Variants in LRP6 observed in about 807,000 individuals in gnomAD.
LRP6 encodes the protein low-density lipoprotein receptor-related protein 6.
Under a neutral mutation model 184.1 loss-of-function variants are expected in LRP6, and 43 were observed. The ratio of observed to expected loss-of-function variants is 0.23; its 90% CI spans 0.18 to 0.30. The LOEUF (loss-of-function observed/expected upper bound fraction) is 0.30. LRP6 is among the 10% of genes least tolerant of loss of function. The pLI, the probability that LRP6 is intolerant of heterozygous loss-of-function variation, is 1.00. For missense variants in LRP6, 1,571 were observed against 2,005.3 expected, an observed-to-expected ratio of 0.78 and a Z score of 4.14; for synonymous variants, 719 against 684.9, an observed-to-expected ratio of 1.05 and a Z score of -0.78.
At position 12,142,745 on chromosome 12, in the gene LRP6, T is replaced by TA. The variant is rs528640675; in HGVS notation, c.3398-4212dup. Reference sequence around the variant, plus strand: ...AACATTAGCAAATCAAATCCAGCAATAAAAAAAAGAATAATATATCATGCT... The same window carrying TA: ...AACATTAGCAAATCAAATCCAGCAATAAAAAAAAAGAATAATATATCATGCT... On this transcript the variant is annotated intron_variant, in intron 15 of 22. Transcript: ENST00000261349. 1.1e-4 allele frequency among the ~76,000 whole-genome samples: 17 copies of TA among 151,696 alleles called. No individual in the cohort carries two copies. The East Asian group carries it at 3.3e-3, about 29-fold the overall frequency.
chr12:12,227,400 TTTC>T (rs1864655959), intron 2 of LRP6, among the ~76,000 whole-genome samples: 1 of 151,468 alleles, frequency 6.6e-6, no homozygotes, highest in Non-Finnish European at 1.5e-5. Flanking sequence ...AAATAAAAAC[TTTC>T]TTTTCCTTTT....
intron 22 of LRP6, among the ~76,000 whole-genome samples, chr12:12,123,752 G>A (rs1949634981): frequency 6.6e-6 from 1 of 152,024 alleles, no homozygotes; most frequent in Non-Finnish European, 1.5e-5. Context: ...TCTCTTTTTT[G>A]GCTTACAAAT....
Position 12,148,907 on chromosome 12 carries a change from A to C in LRP6, c.3206+35T>G, listed in dbSNP as rs758617041. ...AAAGAAGGGTGAGGAGAGTCTCAGAAGCCACAGTATCTGAACGCCACTTTA... is the reference window on the plus strand; with the variant it reads ...AAAGAAGGGTGAGGAGAGTCTCAGACGCCACAGTATCTGAACGCCACTTTA... On this transcript the variant is annotated intron_variant, in intron 14 of 22. Transcript: ENST00000261349. 8.7e-6 allele frequency: 13 copies of C among 1,487,976 alleles called. No individual in the cohort carries two copies. In the East Asian group the frequency reaches 2.7e-4, roughly 31 times the overall value. 92.2% of individuals were successfully genotyped at this position (1,487,976 alleles called of 1,614,324 possible). A position where few individuals can be genotyped will look rare whatever the true frequency, so the allele number is the denominator to read the frequency against.
rs961435284 is a variant in LRP6 at position 12,205,267 on chromosome 12, C to A, written c.450-1867G>T. ...AGGAGGCGGATGTTGCCTCAGTGAGCTGAGATTGTGTGCCACTGCACTCCA... is the reference window on the plus strand; with the variant it reads ...AGGAGGCGGATGTTGCCTCAGTGAGATGAGATTGTGTGCCACTGCACTCCA... On this transcript the variant is annotated intron_variant, in intron 2 of 22. Coordinates refer to ENST00000261349, the MANE Select transcript of LRP6 (RefSeq NM_002336.3). 3.7e-5 allele frequency among the ~76,000 whole-genome samples: 5 copies of A among 133,456 alleles called. No individual in the cohort carries two copies. The East Asian group carries it at 9.1e-4, about 24-fold the overall frequency. 87.6% of individuals were successfully genotyped at this position (133,456 alleles called of 152,430 possible).
At chr12:12,200,595 C>A (rs1322476622) in intron 3 of LRP6, among the ~76,000 whole-genome samples, 2 of 152,226 alleles carry the variant, frequency 1.3e-5, no homozygotes, top group Non-Finnish European at 2.9e-5. Context: ...CCTCTGCATA[C>A]TGCTCCTGAT....
chr12:12,127,967 A>C (rs942850552), intron 19 of LRP6, among the ~76,000 whole-genome samples: 3 of 152,196 alleles, frequency 2.0e-5, no homozygotes, highest in Non-Finnish European at 2.9e-5. Flanking sequence ...TTAGTCCTTG[A>C]GAACAACCGT....
At chr12:12,225,205 T>C (rs1452393445) in intron 2 of LRP6, among the ~76,000 whole-genome samples, 1 of 152,094 alleles carries the variant, frequency 6.6e-6, no homozygotes, top group Admixed American at 6.6e-5. Context: ...AAAGCGAGAC[T>C]CCACCTGGCC....
intron 2 of LRP6, among the ~76,000 whole-genome samples, chr12:12,204,614 C>A (rs542994512): frequency 2.0e-5 from 3 of 151,864 alleles, no homozygotes; most frequent in Non-Finnish European, 4.4e-5. Context: ...AGAAATTTTT[C>A]TTTGATGTAA....
intron 16 of LRP6, among the ~76,000 whole-genome samples, chr12:12,137,845 G>A (rs1018576739): frequency 2.6e-5 from 4 of 151,828 alleles, no homozygotes; most frequent in African/African-American, 4.8e-5. Context: ...AAAAGCTCCC[G>A]GGTAAGGTTG....
intron 7 of LRP6, among the ~76,000 whole-genome samples, chr12:12,170,007 C>A (rs1052363076): frequency 2.6e-5 from 4 of 152,114 alleles, no homozygotes; most frequent in Non-Finnish European, 4.4e-5. Flanking sequence ...CGTATGTGTC[C>A]ATTTAAAATT....
chr12:12,231,998 CA>C (rs374411032), intron 2 of LRP6, among the ~76,000 whole-genome samples: 7,653 of 129,614 alleles, frequency 0.059, 209 homozygotes, highest in Middle Eastern at 0.17. Flanking sequence ...GACCCTGCCT[CA>C]AAAAAAAAAA....
At chr12:12,235,730 CAAAAAAAAAAAG>C (rs1864915563) in intron 2 of LRP6, among the ~76,000 whole-genome samples, 1 of 128,698 alleles carries the variant, frequency 7.8e-6, no homozygotes, top group Admixed American at 7.9e-5. Context: ...AACTCCGGCT[CAAAAAAAAAAAG>C]AAAAAGAAAA....
At chr12:12,245,745 T>A (rs1211978061) in intron 1 of LRP6, among the ~76,000 whole-genome samples, 1 of 152,122 alleles carries the variant, frequency 6.6e-6, no homozygotes, top group Admixed American at 6.6e-5. Flanking sequence ...GTTGAAGCTG[T>A]TGGGAGTGAG....
Position 12,261,360 on chromosome 12 carries a change from G to A in LRP6, c.55+5321C>T, listed in dbSNP as rs552092025. On this transcript the variant is annotated intron_variant, in intron 1 of 22. Coordinates refer to ENST00000261349, the MANE Select transcript of LRP6 (RefSeq NM_002336.3). ...GGAGCTTGTAGTGAGCTGAGATCAC[G>A]CCGCTGCACTCCAGCCTGGGCGACA... Among the ~76,000 whole-genome samples the A allele has an allele frequency of 2.8e-4, 42 of 149,462 alleles. No homozygotes were observed. In the South Asian group the frequency reaches 8.4e-3, roughly 30 times the overall value.
intron 2 of LRP6, among the ~76,000 whole-genome samples, chr12:12,209,632 T>C (rs996252267): frequency 6.6e-6 from 1 of 152,210 alleles, no homozygotes; most frequent in Non-Finnish European, 1.5e-5. Flanking sequence ...AAAAAGCTCA[T>C]TACAAATGTA....
chr12:12,146,741 C>T (rs928535069), intron 15 of LRP6, among the ~76,000 whole-genome samples: 5 of 152,062 alleles, frequency 3.3e-5, no homozygotes, highest in African/African-American at 1.2e-4. Context: ...AATTTAGGAG[C>T]CATGTGTAAA....
At chr12:12,246,429 C>CA (rs1228161343) in intron 1 of LRP6, among the ~76,000 whole-genome samples, 2 of 151,714 alleles carry the variant, frequency 1.3e-5, no homozygotes, top group Non-Finnish European at 2.9e-5. Flanking sequence ...AAAGTAAGAC[C>CA]AAGCCAGGCA....
intron 19 of LRP6, among the ~76,000 whole-genome samples, chr12:12,127,736 T>C (rs1475739968): frequency 6.6e-6 from 1 of 152,118 alleles, no homozygotes; most frequent in Non-Finnish European, 1.5e-5. Flanking sequence ...AGAGGGAAAA[T>C]TCTTCCATTC....
chr12:12,157,621 G>T (rs985861513), intron 12 of LRP6, among the ~76,000 whole-genome samples: 2 of 152,062 alleles, frequency 1.3e-5, no homozygotes, highest in African/African-American at 4.8e-5. Flanking sequence ...CACAACTGAA[G>T]TTGGCATCAG....
Sources: gnomAD v4.1 joint callset for allele counts (sites outside exome capture counted in the v4.1 genomes callset) on GRCh38, gnomAD v4.1.1 for gene constraint, MANE v1.5 for transcripts, NCBI Gene and HGNC (gene_info 2026-07-23, HGNC 2026-07-21) for gene names.